The following TANK variants were observed in gnomAD, a reference collection of about 807,000 sequenced individuals.
The protein encoded by TANK is TRAF family member associated NFKB activator, also known as TRAF family member-associated NF-kappa-B activator.
A neutral mutation model predicts 43.6 loss-of-function variants in TANK; 15 were observed. The observed-to-expected ratio is 0.34, with a 90% CI of 0.23 to 0.53. The LOEUF is 0.53. Ranked by LOEUF, TANK falls within the 20% of genes least tolerant of loss-of-function variation. The pLI is 0.94. For missense variants in TANK, 417 were observed against 498.6 expected, an observed-to-expected ratio of 0.84 and a Z score of 1.56; for synonymous variants, 162 against 178.2, an observed-to-expected ratio of 0.91 and a Z score of 0.73.
chr2:161,192,890 C>A (rs1355626702), intron 2 of TANK, among the ~76,000 whole-genome samples: 1 of 152,162 alleles, frequency 6.6e-6, no homozygotes, highest in African/African-American at 2.4e-5. Context: ...AGACCGAAGA[C>A]CATATTCGTT....
At chr2:161,228,933 A>C (rs1210983970) in intron 6 of TANK, among the ~76,000 whole-genome samples, 1 of 152,272 alleles carries the variant, frequency 6.6e-6, no homozygotes, top group Non-Finnish European at 1.5e-5. Flanking sequence ...GGTGTGTAGT[A>C]GACTATACTG....
At chr2:161,162,627 C>T (rs746173563) in intron 1 of TANK, 4 of 152,010 alleles carry the variant, frequency 2.6e-5, no homozygotes, top group Non-Finnish European at 5.9e-5. Flanking sequence ...TTTATTATGT[C>T]ATCATTAAAT....
chr2:161,154,831 G>A (rs1255802453), intron 1 of TANK, among the ~76,000 whole-genome samples: 1 of 150,026 alleles, frequency 6.7e-6, no homozygotes, highest in East Asian at 2.0e-4. Context: ...TGCAACCTCC[G>A]CCTCCCAGGT....
chr2:161,219,111 G>A (rs989281918), intron 4 of TANK, among the ~76,000 whole-genome samples: 5 of 152,158 alleles, frequency 3.3e-5, no homozygotes, highest in African/African-American at 1.2e-4. Context: ...AATACAAAGT[G>A]AAAGACTTAG....
chr2:161,173,806 G>A (rs1256746826), intron 1 of TANK, among the ~76,000 whole-genome samples: 1 of 152,212 alleles, frequency 6.6e-6, no homozygotes, highest in African/African-American at 2.4e-5. Context: ...AACCAGTCTT[G>A]AACATTGTAC....
intron 6 of TANK, among the ~76,000 whole-genome samples, chr2:161,225,961 A>G (rs748364240): frequency 1.3e-4 from 20 of 152,148 alleles, no homozygotes; most frequent in Middle Eastern, 6.8e-3. Context: ...TCTTTTCTTC[A>G]CCTTAATTTT....
At chr2:161,174,521 A>C (rs1685094319) in intron 1 of TANK, among the ~76,000 whole-genome samples, 1 of 152,198 alleles carries the variant, frequency 6.6e-6, no homozygotes, top group Non-Finnish European at 1.5e-5. Flanking sequence ...TACTGTTTTT[A>C]AATATATGAT....
In TANK at chr2:161,204,690, G is replaced by A. The variant is rs1196440096; in HGVS notation, c.224G>A (p.Cys75Tyr). Residue 75 changes from cysteine (C) to tyrosine (Y), a missense_variant, in exon 4 of 8, where the codon TGT becomes TAT. Coordinates refer to ENST00000392749, the MANE Select transcript of TANK (RefSeq NM_001199135.3). ...VNSTQDNNYG[C>Y]VPLLEDSETR... is the part of the protein sequence containing the mutation. ...TGTCTTGCAGATAACAATTATGGCT[G>A]TGTTCCTCTGCTTGAAGACAGTGAA... 1 of 1,609,860 alleles carries A rather than the reference G, an allele frequency of 6.2e-7. No individual in the cohort carries two copies. Among genetic ancestry groups the A allele is most frequent in the Admixed American group, 1.7e-5 (1 of 59,204 alleles).
Position 161,203,458 on chromosome 2 carries a change from A to T in TANK, c.100-29A>T, listed in dbSNP as rs11884495. On this transcript the variant is annotated intron_variant, in intron 2 of 7. Transcript: ENST00000392749. ...TATATGTTCATGTCTATCAGTGAAT[A>T]TCAGGCTAACTGGTTTTTATGTCAG... 0.48 allele frequency: 711,784 copies of T among 1,472,756 alleles called. 175,265 individuals carry two copies. Among genetic ancestry groups the T allele is most frequent in the Admixed American group, 0.6 (32,982 of 55,104 alleles). The allele number at this position is 1,472,756 out of a possible 1,614,324, so 91.2% of individuals were successfully genotyped here.
At chr2:161,181,807 A>G (rs1031572217) in intron 2 of TANK, among the ~76,000 whole-genome samples, 2 of 152,184 alleles carry the variant, frequency 1.3e-5, no homozygotes, top group African/African-American at 2.4e-5. Context: ...ATCACTAGCC[A>G]AGGGAAAACT....
intron 2 of TANK, among the ~76,000 whole-genome samples, chr2:161,188,969 A>G (rs1333732369): frequency 1.3e-5 from 2 of 152,146 alleles, no homozygotes; most frequent in East Asian, 3.9e-4. Flanking sequence ...GGAAGATGCT[A>G]GTGTCTTGGT....
intron 1 of TANK, among the ~76,000 whole-genome samples, chr2:161,150,651 A>G (rs929755616): frequency 7.0e-6 from 1 of 143,354 alleles, no homozygotes; most frequent in Non-Finnish European, 1.5e-5. Flanking sequence ...GGCTGGTGCA[A>G]TCTTGGCTCA....
intron 7 of TANK, among the ~76,000 whole-genome samples, chr2:161,233,698 A>G (rs1688035701): frequency 6.6e-6 from 1 of 152,112 alleles, no homozygotes; most frequent in South Asian, 2.1e-4. Flanking sequence ...TATGGATTTA[A>G]TAGGTAAATT....
intron 1 of TANK, chr2:161,139,892 G>A: frequency 1.0e-6 from 1 of 985,126 alleles, no homozygotes; most frequent in Non-Finnish European, 1.2e-6. Flanking sequence ...AGTTACAACT[G>A]TGGTAAGCAA....
chr2:161,233,255 G>A (rs1406373928), intron 7 of TANK, among the ~76,000 whole-genome samples: 1 of 152,090 alleles, frequency 6.6e-6, no homozygotes, highest in African/African-American at 2.4e-5. Context: ...ATGTAGCTGG[G>A]TGTGGTGGCT....
chr2:161,217,585 T>TGTG (rs1687170974), intron 4 of TANK, among the ~76,000 whole-genome samples: 4 of 136,556 alleles, frequency 2.9e-5, no homozygotes, highest in Non-Finnish European at 6.3e-5. Flanking sequence ...GGTAGTTGGT[T>TGTG]TGTGTGTGTG....
At chr2:161,212,392 A>G in intron 4 of TANK, 2 of 984,786 alleles carry the variant, frequency 2.0e-6, no homozygotes, top group Non-Finnish European at 1.2e-6. Context: ...ACAAATATTG[A>G]TATCCAAAAC....
intron 1 of TANK, among the ~76,000 whole-genome samples, chr2:161,137,574 T>C (rs780602582): frequency 2.6e-5 from 4 of 152,206 alleles, no homozygotes; most frequent in Admixed American, 6.5e-5. Context: ...CTTAAGTTGT[T>C]CATAACTTAC....
chr2:161,196,078 A>G (rs749074920), intron 2 of TANK, among the ~76,000 whole-genome samples: 9 of 152,198 alleles, frequency 5.9e-5, no homozygotes, highest in Non-Finnish European at 1.3e-4. Flanking sequence ...GAGCTCCGAA[A>G]GAGCAAGACT....
Sources: allele counts gnomAD v4.1 joint callset (sites outside exome capture counted in the v4.1 genomes callset), GRCh38; gene constraint gnomAD v4.1.1; transcripts MANE v1.5; gene names NCBI Gene and HGNC (gene_info 2026-07-23, HGNC 2026-07-21).